Variants in CSMD1 observed in about 807,000 individuals in gnomAD.
CSMD1 encodes CUB and Sushi multiple domains 1.
A neutral mutation model predicts 417.5 loss-of-function variants in CSMD1; 213 were observed. The observed-to-expected ratio is 0.51, with a 90% CI of 0.46 to 0.57. The LOEUF (loss-of-function observed/expected upper bound fraction) is 0.57. Ranked by LOEUF, CSMD1 falls within the 20% of genes least tolerant of loss-of-function variation. The pLI is 0.00. For synonymous variants in CSMD1, 2,862 were observed against 1,736.8 expected (o/e 1.65, Z -16.11); for missense variants, 6,923 against 4,529.7 (o/e 1.53, Z -15.17).
At chr8:3,032,080 G>A (rs1209379441) in intron 50 of CSMD1, among the ~76,000 whole-genome samples, 2 of 151,584 alleles carry the variant, frequency 1.3e-5, no homozygotes, top group Admixed American at 6.6e-5. Flanking sequence ...GGAAAGAAAC[G>A]TGTATGAGTG....
chr8:3,406,654 A>T (rs1812359899), intron 14 of CSMD1, among the ~76,000 whole-genome samples: 1 of 152,168 alleles, frequency 6.6e-6, no homozygotes, highest in African/African-American at 2.4e-5. Flanking sequence ...ATGAGAGACT[A>T]CTAAATTTAT....
At chr8:3,439,374 T>C in intron 12 of CSMD1, among the ~76,000 whole-genome samples, 1 of 146,280 alleles carries the variant, frequency 6.8e-6, no homozygotes, top group East Asian at 2.0e-4. Flanking sequence ...TAGCTCATTT[T>C]TGTCTTAAAT....
chr8:3,919,406 T>A (rs76225619), intron 5 of CSMD1, among the ~76,000 whole-genome samples: 1 of 152,072 alleles, frequency 6.6e-6, no homozygotes, highest in Non-Finnish European at 1.5e-5. Flanking sequence ...TTTTCCCCCA[T>A]TGTGTCTTTT....
intron 3 of CSMD1, among the ~76,000 whole-genome samples, 172 bp from the exon 4 acceptor site, chr8:4,032,271 G>C (rs976362384): frequency 6.6e-6 from 1 of 152,180 alleles, no homozygotes; most frequent in African/African-American, 2.4e-5. Context: ...TCAGGTTTTA[G>C]AATATCTGCA....
intron 5 of CSMD1, among the ~76,000 whole-genome samples, chr8:3,921,141 T>A (rs1809223496): frequency 6.6e-6 from 1 of 152,208 alleles, no homozygotes; most frequent in South Asian, 2.1e-4. Context: ...ACATTTCCCT[T>A]ATTTGTATTG....
intron 5 of CSMD1, among the ~76,000 whole-genome samples, chr8:3,896,966 C>T (rs1807414573): frequency 6.6e-6 from 1 of 151,974 alleles, no homozygotes; most frequent in Non-Finnish European, 1.5e-5. Flanking sequence ...ATCTGCTTAA[C>T]ATGACATCCT....
At chr8:3,525,683 T>C (rs1439487411) in intron 10 of CSMD1, among the ~76,000 whole-genome samples, 4 of 152,228 alleles carry the variant, frequency 2.6e-5, no homozygotes, top group African/African-American at 9.6e-5. Flanking sequence ...AATGCTGCTC[T>C]ATGTACCCAG....
At chr8:4,024,205 A>C (rs1365580429) in intron 4 of CSMD1, among the ~76,000 whole-genome samples, 1 of 152,200 alleles carries the variant, frequency 6.6e-6, no homozygotes, top group Non-Finnish European at 1.5e-5. Context: ...TAGTAAGAAG[A>C]CATGGGAAAC....
intron 3 of CSMD1, among the ~76,000 whole-genome samples, chr8:4,273,976 G>C (rs1286871081): frequency 6.6e-6 from 1 of 152,126 alleles, no homozygotes; most frequent in Non-Finnish European, 1.5e-5. Flanking sequence ...AACGACATTT[G>C]TATTGCTATC....
At chr8:3,884,766 T>C (rs1309151547) in intron 5 of CSMD1, among the ~76,000 whole-genome samples, 1 of 152,012 alleles carries the variant, frequency 6.6e-6, no homozygotes, top group Non-Finnish European at 1.5e-5. Context: ...ATGATTCTAA[T>C]CCCAATAGTA....
At chr8:4,660,695 A>G (rs530997543) in intron 1 of CSMD1, among the ~76,000 whole-genome samples, 4 of 2,158 alleles carry the variant, frequency 1.9e-3, no homozygotes, top group African/African-American at 0.014. Flanking sequence ...GACAAGCTAC[A>G]GACCGCAGAA....
chr8:3,933,718 C>T (rs948149856), intron 5 of CSMD1, among the ~76,000 whole-genome samples: 33 of 152,148 alleles, frequency 2.2e-4, no homozygotes, highest in African/African-American at 6.3e-4. Flanking sequence ...TGCAAAATTA[C>T]GTTCAAAAAT....
At chr8:4,431,717 C>G (rs931077716) in intron 2 of CSMD1, among the ~76,000 whole-genome samples, 1 of 152,134 alleles carries the variant, frequency 6.6e-6, no homozygotes, top group Non-Finnish European at 1.5e-5. Context: ...AGAATTAAGA[C>G]AATGGAATCA....
intron 3 of CSMD1, among the ~76,000 whole-genome samples, chr8:4,116,616 G>T (rs1012148800): frequency 7.1e-6 from 1 of 141,752 alleles, no homozygotes; most frequent in African/African-American, 2.6e-5. Flanking sequence ...TGCCTGGATG[G>T]AACAAACGCG....
chr8:4,721,013 T>A (rs1042139529), intron 1 of CSMD1, among the ~76,000 whole-genome samples: 5 of 152,194 alleles, frequency 3.3e-5, no homozygotes, highest in Non-Finnish European at 7.3e-5. Context: ...AAATAAACAG[T>A]TAATTATTGT....
At chr8:2,970,034 G>A (rs965467295) in intron 57 of CSMD1, among the ~76,000 whole-genome samples, 2 of 152,142 alleles carry the variant, frequency 1.3e-5, no homozygotes, top group Admixed American at 1.3e-4. Context: ...TAAGGGCTAA[G>A]TTTCTAATTT....
chr8:4,760,919 T>C (rs542969344), intron 1 of CSMD1, among the ~76,000 whole-genome samples: 26 of 152,306 alleles, frequency 1.7e-4, no homozygotes, highest in African/African-American at 6.0e-4. Context: ...GTAGCATATC[T>C]TTCTCAAGCT....
chr8:4,069,696 C>A (rs926101084), intron 3 of CSMD1, among the ~76,000 whole-genome samples: 14 of 152,088 alleles, frequency 9.2e-5, no homozygotes, highest in Non-Finnish European at 2.1e-4. Context: ...TCATGTTATA[C>A]TTCCCTTTCT....
intron 1 of CSMD1, among the ~76,000 whole-genome samples, chr8:4,890,008 C>G (rs934489525): frequency 6.6e-6 from 1 of 152,038 alleles, no homozygotes; most frequent in African/African-American, 2.4e-5. Flanking sequence ...GGTATCTTAC[C>G]TAATAATTAA....
Sources: gnomAD v4.1 joint callset for allele counts (sites outside exome capture counted in the v4.1 genomes callset) on GRCh38, gnomAD v4.1.1 for gene constraint, MANE v1.5 for transcripts, NCBI Gene and HGNC (gene_info 2026-07-23, HGNC 2026-07-21) for gene names.